The following MIPEP variants were observed in gnomAD, a reference collection of about 807,000 sequenced individuals.
MIPEP encodes the protein mitochondrial intermediate peptidase.
Under a neutral mutation model 90.3 loss-of-function variants are expected in MIPEP, and 79 were observed. The ratio of observed to expected loss-of-function variants is 0.87; its 90% CI spans 0.73 to 1.05. The LOEUF is 1.05. Among genes scored for constraint, MIPEP ranks in the 50% least tolerant of loss-of-function variants. The pLI, the probability that MIPEP is intolerant of heterozygous loss-of-function variation, is 0.00. For synonymous variants in MIPEP, 334 were observed against 315.8 expected (o/e 1.06, Z -0.61); for missense variants, 940 against 905.6 (o/e 1.04, Z -0.49).
At chr13:23,841,610 A>C in intron 10 of MIPEP, 122 bp from the exon 11 acceptor site, 2 of 1,072,534 alleles carry the variant, frequency 1.9e-6, no homozygotes, top group Non-Finnish European at 2.6e-6. Flanking sequence ...CAAAACATAA[A>C]AGTGTATTTA....
chr13:23,863,756 A>C (rs1446803167), intron 8 of MIPEP, among the ~76,000 whole-genome samples: 3 of 152,214 alleles, frequency 2.0e-5, no homozygotes, highest in Non-Finnish European at 4.4e-5. Context: ...TACTACACAA[A>C]ATTAAAAAGA....
chr13:23,759,578 C>A (rs1593137548), intron 17 of MIPEP, among the ~76,000 whole-genome samples: 1 of 152,194 alleles, frequency 6.6e-6, no homozygotes, highest in African/African-American at 2.4e-5. Flanking sequence ...AGCAAGGGAT[C>A]TCCTGTACCT....
intron 1 of MIPEP, among the ~76,000 whole-genome samples, chr13:23,888,286 T>C (rs1871603384): frequency 6.6e-6 from 1 of 152,140 alleles, no homozygotes; most frequent in African/African-American, 2.4e-5. Context: ...AATTTTTAAA[T>C]AGACAAAACT....
intron 16 of MIPEP, among the ~76,000 whole-genome samples, chr13:23,768,602 T>C (rs1488650812): frequency 1.3e-5 from 2 of 152,082 alleles, no homozygotes; most frequent in Non-Finnish European, 2.9e-5. Flanking sequence ...CTAGGCGTGG[T>C]AGCCCACCTA....
At chr13:23,885,643 G>A (rs1470029870) in intron 2 of MIPEP, among the ~76,000 whole-genome samples, 1 of 150,402 alleles carries the variant, frequency 6.6e-6, no homozygotes, top group Non-Finnish European at 1.5e-5. Flanking sequence ...CCTAGTTGCT[G>A]AAGAGATCTA....
In MIPEP at chr13:23,756,631, G is replaced by C; in HGVS notation, c.1971-13C>G. On this transcript the variant is annotated splice_polypyrimidine_tract_variant and intron_variant, in intron 17 of 18. Transcript: ENST00000382172. ...CTCCCCGGCAGCCCTGGGGAAGAGA[G>C]GTTCTGTTACAGACTCCTGCTTGCA... is the stretch of plus-strand genomic sequence containing the variant. 13 of 1,611,274 alleles carry C rather than the reference G, an allele frequency of 8.1e-6. No individual in the cohort carries two copies. Among genetic ancestry groups the C allele is most frequent in the Non-Finnish European group, 9.3e-6 (11 of 1,179,740 alleles).
intron 11 of MIPEP, 24 bp from the exon 12 acceptor site, chr13:23,839,750 G>A (rs1336301872): frequency 5.7e-6 from 9 of 1,572,354 alleles, no homozygotes; most frequent in South Asian, 4.5e-5. Flanking sequence ...TTTAAATTTG[G>A]TGGTAAATGA....
intron 15 of MIPEP, among the ~76,000 whole-genome samples, chr13:23,806,929 TG>T (rs1953117376): frequency 6.6e-6 from 1 of 151,916 alleles, no homozygotes; most frequent in Admixed American, 6.6e-5. Flanking sequence ...ATAGGTGTGG[TG>T]GGGGTAGAGA....
chr13:23,762,179 T>C (rs961377274), intron 16 of MIPEP, among the ~76,000 whole-genome samples: 1 of 151,696 alleles, frequency 6.6e-6, no homozygotes, highest in African/African-American at 2.4e-5. Context: ...AAGCTTAACT[T>C]TTTTTTTAAC....
chr13:23,864,968 T>C lies in MIPEP; in HGVS notation c.944-779A>G, dbSNP rs576572260. Among the ~76,000 whole-genome samples, 9 of 152,268 alleles carry C rather than the reference T, an allele frequency of 5.9e-5. No homozygotes were observed. In the East Asian group the frequency reaches 1.3e-3, roughly 23 times the overall value. Reference sequence around the variant, plus strand: ...AATGTTTTTCTTGATAACAATTTTATTGTTATATACAACTGTAGAATAATC... The same window carrying C: ...AATGTTTTTCTTGATAACAATTTTACTGTTATATACAACTGTAGAATAATC... On this transcript the variant is annotated intron_variant, in intron 7 of 18. Coordinates refer to ENST00000382172, the MANE Select transcript of MIPEP (RefSeq NM_005932.4).
At chr13:23,873,143 TGAG>T (rs1366985316) in intron 5 of MIPEP, among the ~76,000 whole-genome samples, 1 of 152,098 alleles carries the variant, frequency 6.6e-6, no homozygotes, top group African/African-American at 2.4e-5. Context: ...CAATGTGGCG[TGAG>T]GATGAAGCCT....
chr13:23,730,637 A>T (rs572014827), intron 18 of MIPEP, among the ~76,000 whole-genome samples, 192 bp from the exon 19 acceptor site: 1 of 152,338 alleles, frequency 6.6e-6, no homozygotes, highest in Non-Finnish European at 1.5e-5. Flanking sequence ...TTATAATTTT[A>T]ATGTATTTTT....
At chr13:23,741,243 T>C (rs1283505689) in intron 18 of MIPEP, among the ~76,000 whole-genome samples, 1 of 152,198 alleles carries the variant, frequency 6.6e-6, no homozygotes, top group Non-Finnish European at 1.5e-5. Flanking sequence ...AGTTCAGCCA[T>C]TGTGGAAAGC....
intron 16 of MIPEP, among the ~76,000 whole-genome samples, chr13:23,766,512 G>C (rs1372933871): frequency 6.6e-6 from 1 of 152,150 alleles, no homozygotes; most frequent in Non-Finnish European, 1.5e-5. Context: ...AGTGTTTAAC[G>C]ATTTAACCAC....
intron 10 of MIPEP, among the ~76,000 whole-genome samples, chr13:23,851,942 A>G (rs1035155019): frequency 3.3e-5 from 5 of 152,232 alleles, no homozygotes; most frequent in African/African-American, 1.2e-4. Context: ...AATGTTTAAC[A>G]GTGAGTTATT....
intron 9 of MIPEP, among the ~76,000 whole-genome samples, chr13:23,860,666 A>AATTC (rs10657874): frequency 0.94 from 142,703 of 151,922 alleles, 67,053 homozygotes; most frequent in East Asian, 1. Flanking sequence ...CTCTGGTGGC[A>AATTC]ATTCATTCAT....
chr13:23,869,498 C>T lies in MIPEP; in HGVS notation c.787-50G>A, dbSNP rs1304357524. 6 of 1,485,278 alleles carry T rather than the reference C, an allele frequency of 4.0e-6. No individual in the cohort carries two copies. The Admixed American group carries it at 1.1e-4, about 28-fold the overall frequency. 92.0% of individuals were successfully genotyped at this position (1,485,278 alleles called of 1,614,324 possible). On this transcript the variant is annotated intron_variant, in intron 6 of 18. Coordinates refer to ENST00000382172, the MANE Select transcript of MIPEP (RefSeq NM_005932.4). Reference sequence around the variant, plus strand: ...AGGCTATAAATATCATCACACAGTCCTATGCAACAATAACACAGGCTCATG... The same window carrying T: ...AGGCTATAAATATCATCACACAGTCTTATGCAACAATAACACAGGCTCATG...
At chr13:23,884,738 G>A (rs1453867649) in intron 2 of MIPEP, among the ~76,000 whole-genome samples, 2 of 152,216 alleles carry the variant, frequency 1.3e-5, no homozygotes, top group Admixed American at 6.5e-5. Flanking sequence ...TAAACTCCAT[G>A]AAGTAACAGA....
rs71429858 is a variant in MIPEP at position 23,880,737 on chromosome 13, A to G, written c.452+962T>C. On this transcript the variant is annotated intron_variant, in intron 3 of 18. Transcript: ENST00000382172. ...CAAGTTGGTTTTCAGCGGCTATGGG[A>G]AAAGTCACACACGATTGTGCCAAAG... Among the ~76,000 whole-genome samples, 138 of 149,292 alleles carry G rather than the reference A, an allele frequency of 9.2e-4. 1 individual carries two copies. The highest frequency in any genetic ancestry group is 3.1e-3 in the African/African-American group (129 of 41,144).
Sources: allele counts gnomAD v4.1 joint callset (sites outside exome capture counted in the v4.1 genomes callset), GRCh38; gene constraint gnomAD v4.1.1; transcripts MANE v1.5; gene names NCBI Gene and HGNC (gene_info 2026-07-23, HGNC 2026-07-21).